ABHD4: variants seen among roughly 807,000 people sequenced by gnomAD.
The protein encoded by ABHD4 is abhydrolase domain containing 4, N-acyl phospholipase B.
A neutral mutation model predicts 42.3 loss-of-function variants in ABHD4; 35 were observed. The ratio of observed to expected loss-of-function variants is 0.83; its 90% CI spans 0.63 to 1.10. The LOEUF (loss-of-function observed/expected upper bound fraction) is 1.10. Among genes scored for constraint, ABHD4 ranks in the 50% least tolerant of loss-of-function variants. ABHD4 has a pLI of 0.00. For missense variants in ABHD4, 389 were observed against 454.8 expected (o/e 0.86, Z 1.32); for synonymous variants, 169 against 170.6 (o/e 0.99, Z 0.07).
intron 1 of ABHD4, chr14:22,599,998 G>A (rs898377075): frequency 2.3e-5 from 7 of 301,332 alleles, no homozygotes; most frequent in Non-Finnish European, 1.4e-5. Flanking sequence ...TGGGAATGTA[G>A]ACAACTTATG....
chr14:22,608,792 C>A (rs921980487), intron 5 of ABHD4, among the ~76,000 whole-genome samples: 1 of 152,242 alleles, frequency 6.6e-6, no homozygotes, highest in Non-Finnish European at 1.5e-5. Flanking sequence ...ACCTCTGCCT[C>A]CCAGGTTCAA....
intron 1 of ABHD4, among the ~76,000 whole-genome samples, chr14:22,601,121 A>G (rs1414610977): frequency 1.3e-5 from 2 of 152,184 alleles, no homozygotes; most frequent in East Asian, 3.9e-4. Context: ...CCCCATCTCC[A>G]TGGGTTGGAC....
intron 5 of ABHD4, among the ~76,000 whole-genome samples, chr14:22,606,902 C>G (rs1398224999): frequency 6.6e-6 from 1 of 151,766 alleles, no homozygotes; most frequent in Admixed American, 6.6e-5. Context: ...AAATAATTAG[C>G]AAAAACATGA....
At chr14:22,603,268 G>C in intron 2 of ABHD4, 122 bp from the exon 3 acceptor site, 4 of 1,252,128 alleles carry the variant, frequency 3.2e-6, no homozygotes, top group Non-Finnish European at 3.4e-6. Context: ...TGAGAGGAAG[G>C]AGCTGAGGGA....
At position 22,603,749 on chromosome 14, in the gene ABHD4, A is replaced by G. The variant is rs201599442; in HGVS notation, c.472A>G (p.Lys158Glu). ...GGFLATSYSI[K>E]YPDRVKHLIL... ...ATTCCTGGCCACTTCTTACTCAATC[A>G]AGTACCCTGATAGGTAATAAGGAGA... The change falls in exon 3 of 7, where the codon AAG (lysine) becomes GAG (glutamate). Residue 158 changes from lysine to glutamate, a missense_variant. This residue lies in a region of ABHD4 where 249 missense variants were observed against 254.4 expected (regional missense o/e 0.98). Transcript: ENST00000428304. 547 of 1,580,978 alleles carry G rather than the reference A, an allele frequency of 3.5e-4. 1 individual carries two copies. The highest frequency in any genetic ancestry group is 2.4e-4 in the Non-Finnish European group (282 of 1,162,156).
rs752559531 is a variant in ABHD4, at chr14:22,609,845, T to C, written c.874T>C (p.Trp292Arg). Reference protein sequence around the residue: ...PITMIYGSDTWIDTSTGKKVK... With the variant: ...PITMIYGSDTRIDTSTGKKVK... ...CACTATGATCTACGGGTCCGACACCTGGATAGATACCAGTACGGGAAAAAA... is the reference window on the plus strand; with the variant it reads ...CACTATGATCTACGGGTCCGACACCCGGATAGATACCAGTACGGGAAAAAA... Residue 292 changes from tryptophan to arginine, a missense_variant, in exon 6 of 7, where the codon TGG becomes CGG. Trp to Arg is a moderately radical substitution (Grantham distance 101). Around this residue, in one of 3 missense-constraint regions of ABHD4, gnomAD observed 249 missense variants for 254.4 expected, o/e 0.98. Transcript: ENST00000428304. 8 of 1,614,050 alleles carry C rather than the reference T, an allele frequency of 5.0e-6. No individual in the cohort carries two copies. Among genetic ancestry groups the C allele is most frequent in the Non-Finnish European group, 6.8e-6 (8 of 1,180,016 alleles).
At chr14:22,600,555 C>G (rs533045957) in intron 1 of ABHD4, among the ~76,000 whole-genome samples, 44 of 152,286 alleles carry the variant, frequency 2.9e-4, no homozygotes, top group African/African-American at 1.0e-3. Context: ...TCCCCTCACT[C>G]CCCCTTAGAG....
intron 5 of ABHD4, among the ~76,000 whole-genome samples, chr14:22,607,215 A>C (rs1319385914): frequency 6.6e-6 from 1 of 152,192 alleles, no homozygotes; most frequent in Non-Finnish European, 1.5e-5. Context: ...AAAAGTTCCT[A>C]TCTGGGGCTG....
intron 6 of ABHD4, 114 bp downstream of exon 6, chr14:22,610,024 C>T (rs2037393795): frequency 1.0e-6 from 1 of 987,134 alleles, no homozygotes; most frequent in Non-Finnish European, 1.4e-6. Flanking sequence ...TGAGATAGAG[C>T]AGTAGATTTG....
At position 22,610,959 on chromosome 14, in the gene ABHD4, G is replaced by A. The variant is rs1344647387; in HGVS notation, c.*11G>A. On this transcript the variant is annotated 3_prime_UTR_variant, in exon 7 of 7. Coordinates refer to ENST00000428304, the MANE Select transcript of ABHD4 (RefSeq NM_022060.3). ...GACTCAGTTGATTGAGCTGCTCTCT[G>A]AAGAGGAAGAGGAGAAAGCCAGAGA... 1.2e-6 allele frequency: 2 copies of A among 1,611,798 alleles called. No individual in the cohort carries two copies. The highest frequency in any genetic ancestry group is 2.2e-5 in the South Asian group (2 of 91,054).
In ABHD4 at chr14:22,603,371, G is replaced by A. The variant is rs751223985; in HGVS notation, c.113-19G>A. On this transcript the variant is annotated intron_variant, in intron 2 of 6. Coordinates refer to ENST00000428304, the MANE Select transcript of ABHD4 (RefSeq NM_022060.3). ...CAGGAAACACTTATTGACTTACCATGGGATTCTTTCCTCCCCAGGTCTCCA... is the reference window on the plus strand; with the variant it reads ...CAGGAAACACTTATTGACTTACCATAGGATTCTTTCCTCCCCAGGTCTCCA... 1.9e-6 allele frequency: 3 copies of A among 1,613,782 alleles called. No individual in the cohort carries two copies. Among genetic ancestry groups the A allele is most frequent in the East Asian group, 2.2e-5 (1 of 44,898 alleles).
At chr14:22,602,810 G>C (rs1217879294) in intron 2 of ABHD4, among the ~76,000 whole-genome samples, 1 of 152,130 alleles carries the variant, frequency 6.6e-6, no homozygotes, top group Non-Finnish European at 1.5e-5. Context: ...AAGTGATTCT[G>C]ACAGATTAAA....
rs553690494 is a variant in ABHD4, at chr14:22,610,939, A to C, written c.1020A>C (p.Ser340=). 2 of 1,614,030 alleles carry C rather than the reference A, an allele frequency of 1.2e-6. No individual in the cohort carries two copies. Among genetic ancestry groups the C allele is most frequent in the Non-Finnish European group, 1.7e-6 (2 of 1,179,966 alleles). ...CTGTGGTGGAGGAGATCTGCGACTC[A>C]GTTGATTGAGCTGCTCTCTGAAGAG... is the stretch of plus-strand genomic sequence containing the variant. ...FNAVVEEICD[S]VD Residue 340 remains serine (S), a synonymous_variant, in exon 7 of 7, where the codon TCA becomes TCC. Coordinates refer to ENST00000428304, the MANE Select transcript of ABHD4 (RefSeq NM_022060.3).
intron 2 of ABHD4, 116 bp downstream of exon 2, chr14:22,601,871 G>A (rs754577807): frequency 1.4e-5 from 12 of 885,500 alleles, no homozygotes; most frequent in Non-Finnish European, 2.0e-5. Flanking sequence ...TGTGTATGGG[G>A]TGGGAGGAAA....
intron 4 of ABHD4, among the ~76,000 whole-genome samples, chr14:22,604,507 G>A (rs571409664): frequency 3.9e-5 from 6 of 152,048 alleles, no homozygotes; most frequent in Admixed American, 2.0e-4. Context: ...TCGGCCTCCC[G>A]AAGTGCTGGG....
rs114568684 is a variant in ABHD4, at chr14:22,602,000, C to G, written c.112+245C>G. Among the ~76,000 whole-genome samples the G allele has an allele frequency of 9.5e-3, 1,450 of 152,290 alleles. 19 individuals carry two copies. Among genetic ancestry groups the G allele is most frequent in the African/African-American group, 0.033 (1,380 of 41,552 alleles). On this transcript the variant is annotated intron_variant, in intron 2 of 6. Transcript: ENST00000428304. ...CCTGCCACTTCCTGCAACTTCACCT[C>G]AAACCCTATGCCAGTGCCGGCTAAC...
At chr14:22,599,510 T>C (rs1483980) in intron 1 of ABHD4, among the ~76,000 whole-genome samples, 70,001 of 152,028 alleles carry the variant, frequency 0.46, 17,709 homozygotes, top group African/African-American at 0.68. Context: ...AATTTCCCAC[T>C]CCAGCCCTTA....
chr14:22,609,195 A>C (rs1010108819), intron 5 of ABHD4, among the ~76,000 whole-genome samples: 3 of 151,864 alleles, frequency 2.0e-5, no homozygotes, highest in Non-Finnish European at 4.4e-5. Context: ...ACAGGGTCTC[A>C]CCATGTTGGC....
chr14:22,608,310 G>A (rs1416324971), intron 5 of ABHD4, among the ~76,000 whole-genome samples: 2 of 152,210 alleles, frequency 1.3e-5, no homozygotes, highest in Admixed American at 1.3e-4. Flanking sequence ...CTAGGAGGCA[G>A]CAGTGTCCCC....
Sources: allele counts gnomAD v4.1 joint callset (sites outside exome capture counted in the v4.1 genomes callset), GRCh38; gene constraint gnomAD v4.1.1; regional missense constraint gnomAD v4.1.1; transcripts MANE v1.5; gene names NCBI Gene and HGNC (gene_info 2026-07-23, HGNC 2026-07-21).